The following CEP95 variants were observed in gnomAD, a reference collection of about 807,000 sequenced individuals.
CEP95 encodes the protein centrosomal protein 95.
A neutral mutation model predicts 111.2 loss-of-function variants in CEP95; 98 were observed. That is an observed-to-expected ratio of 0.88 (90% CI 0.75 to 1.04). The LOEUF (loss-of-function observed/expected upper bound fraction) is 1.04, where lower values mean the gene tolerates loss of function less well. Ranked by LOEUF, CEP95 falls within the 50% of genes least tolerant of loss-of-function variation. The pLI is 0.00. For synonymous variants in CEP95, 323 were observed against 327.1 expected (o/e 0.99, Z 0.14); for missense variants, 1,027 against 977.2 (o/e 1.05, Z -0.68).
intron 17 of CEP95, chr17:64,535,296 T>C (rs149800613): frequency 0.013 from 2,096 of 158,188 alleles, 18 homozygotes; most frequent in Non-Finnish European, 0.018. Context: ...TGTCTGTAGC[T>C]CATGAATGCG....
chr17:64,506,997 T>C lies in CEP95; in HGVS notation c.-101T>C, dbSNP rs1042342972. On this transcript the variant is annotated 5_prime_UTR_variant, in exon 1 of 20. Transcript: ENST00000556440. ...GCCTCCTTCCCCGCGCTTTGGTTCG[T>C]GCGTCCGCGCCCCAGTGTCGGGTCT... The C allele has an allele frequency of 1.0e-5, 14 of 1,385,460 alleles. No homozygotes were observed. The highest frequency in any genetic ancestry group is 1.1e-5 in the Non-Finnish European group (11 of 996,542). 85.8% of individuals were successfully genotyped at this position (1,385,460 alleles called of 1,614,324 possible). A position where few individuals can be genotyped will look rare whatever the true frequency, so the allele number is the denominator to read the frequency against.
At position 64,510,188 on chromosome 17, in the gene CEP95, C is replaced by G; in HGVS notation, c.164C>G (p.Pro55Arg). ...CCCCCCCCAGACCTCATAGTTATTCCTAGGAGTCAAGAAGATGATGCACAC... is the reference window on the plus strand; with the variant it reads ...CCCCCCCCAGACCTCATAGTTATTCGTAGGAGTCAAGAAGATGATGCACAC... ...GEKVPDLIVI[P>R]RSQEDDAHNV... Residue 55 changes from proline (P) to arginine (R), a missense_variant, in exon 3 of 20, where the codon CCT becomes CGT. Pro to Arg is a moderately radical substitution (Grantham distance 103). Transcript: ENST00000556440. The G allele has an allele frequency of 1.9e-6, 3 of 1,606,804 alleles. No individual in the cohort carries two copies. The highest frequency in any genetic ancestry group is 1.1e-5 in the South Asian group (1 of 90,040).
At chr17:64,525,684 C>T (rs1555678912) in intron 8 of CEP95, 86 bp from the exon 9 acceptor site, 9 of 817,716 alleles carry the variant, frequency 1.1e-5, no homozygotes. Context: ...AGCTTTGTGC[C>T]ACAGTTCCTC....
chr17:64,534,762 C>T, intron 17 of CEP95, 25 bp downstream of exon 17: 3 of 1,601,510 alleles, frequency 1.9e-6, no homozygotes, highest in Admixed American at 1.7e-5. Context: ...TCTGTCCAGC[C>T]CTGTTAAGAA....
At chr17:64,537,368 A>C in intron 19 of CEP95, 12 of 1,402,926 alleles carry the variant, frequency 8.6e-6, no homozygotes, top group Non-Finnish European at 1.1e-5. Context: ...GTAGAAAACC[A>C]AATGTATTAT....
intron 13 of CEP95, among the ~76,000 whole-genome samples, chr17:64,531,658 C>G (rs1256681359): frequency 2.6e-5 from 4 of 152,096 alleles, no homozygotes; most frequent in Non-Finnish European, 5.9e-5. Context: ...GAAAAAGATT[C>G]AGTGCTTTTT....
chr17:64,534,377 CCTCTGCTGCA>C (rs1968500047), intron 16 of CEP95, 198 bp from the exon 17 acceptor site: 2 of 517,098 alleles, frequency 3.9e-6, no homozygotes, highest in African/African-American at 3.9e-5. Context: ...TCACTGCTGC[CCTCTGCTGCA>C]GTGGGGTGTT....
chr17:64,516,045 A>T (rs532091701), intron 4 of CEP95: 1 of 152,342 alleles, frequency 6.6e-6, no homozygotes, highest in South Asian at 2.1e-4. Context: ...CACACAGCCT[A>T]GCTCAGAGTA....
Position 64,510,408 on chromosome 17 carries a change from G to A in CEP95, c.256+128G>A, listed in dbSNP as rs968326193. ...AGACCAAATTGTAAGATTGAGCTAAGACAATCAACTGATAGAGGTCAGGTC... is the reference window on the plus strand; with the variant it reads ...AGACCAAATTGTAAGATTGAGCTAAAACAATCAACTGATAGAGGTCAGGTC... On this transcript the variant is annotated intron_variant, in intron 3 of 19. Transcript: ENST00000556440. 45 of 641,366 alleles carry A rather than the reference G, an allele frequency of 7.0e-5. No homozygotes were observed. The Middle Eastern group carries it at 9.2e-4, about 13-fold the overall frequency. 39.7% of individuals were successfully genotyped at this position (641,366 alleles called of 1,614,324 possible).
chr17:64,508,033 A>T, intron 1 of CEP95: 1 of 985,364 alleles, frequency 1.0e-6, no homozygotes, highest in Non-Finnish European at 1.2e-6. Context: ...TATAATAAAA[A>T]AGAAAAACTA....
At chr17:64,529,514 T>A (rs1351387510) in intron 12 of CEP95, 87 bp downstream of exon 12, 3 of 1,376,464 alleles carry the variant, frequency 2.2e-6, no homozygotes, top group East Asian at 4.6e-5. Context: ...GCTGTTGATT[T>A]AGGCTTAAAA....
At chr17:64,508,130 C>G in intron 1 of CEP95, 4 of 985,430 alleles carry the variant, frequency 4.1e-6, no homozygotes, top group Non-Finnish European at 4.8e-6. Flanking sequence ...CAGAGAAACC[C>G]TGACTTGCAC....
upstream of CEP95, chr17:64,506,918 C>A: frequency 1.4e-6 from 1 of 725,268 alleles, no homozygotes. Context: ...GGAAGTGCTC[C>A]TCTGATGACC....
At chr17:64,523,122 C>T (rs574361217) in intron 8 of CEP95, among the ~76,000 whole-genome samples, 1 of 152,252 alleles carries the variant, frequency 6.6e-6, no homozygotes, top group South Asian at 2.1e-4. Context: ...TACACCTGCA[C>T]ATTCTTGTTC....
chr17:64,508,145 T>C, intron 1 of CEP95: 1 of 985,450 alleles, frequency 1.0e-6, no homozygotes, highest in East Asian at 1.1e-4. Context: ...TTGCACAAGA[T>C]AATTGGGTAA....
At position 64,534,700 on chromosome 17, in the gene CEP95, G is replaced by T. The variant is rs1354675698; in HGVS notation, c.2033G>T (p.Cys678Phe). Reference sequence around the variant, plus strand: ...TATGATGATTATAGAGTTCAGTTGTGTGCAAAAATGATGAGAATGAGGACC... The same window carrying T: ...TATGATGATTATAGAGTTCAGTTGTTTGCAAAAATGATGAGAATGAGGACC... ...KYYDDYRVQL[C>F]AKMMRMRTRE... The change falls in exon 17 of 20, where the codon TGT (cysteine) becomes TTT (phenylalanine). Residue 678 changes from cysteine (C) to phenylalanine (F), a missense_variant. Coordinates refer to ENST00000556440, the MANE Select transcript of CEP95 (RefSeq NM_138363.3). 3 of 1,612,900 alleles carry T rather than the reference G, an allele frequency of 1.9e-6. No homozygotes were observed. The highest frequency in any genetic ancestry group is 1.1e-5 in the South Asian group (1 of 90,878).
chr17:64,537,017 T>C, intron 18 of CEP95, 24 bp from the exon 19 acceptor site: 2 of 1,579,740 alleles, frequency 1.3e-6, no homozygotes, highest in Non-Finnish European at 1.7e-6. Flanking sequence ...ATATAATATT[T>C]GTTTTTTTTC....
At chr17:64,520,743 G>A (rs1555677491) in intron 6 of CEP95, among the ~76,000 whole-genome samples, 2 of 152,140 alleles carry the variant, frequency 1.3e-5, no homozygotes, top group Non-Finnish European at 2.9e-5. Flanking sequence ...TGGACCATGA[G>A]TCCATGTTTC....
chr17:64,525,732 T>C (rs2144480710), intron 8 of CEP95, 38 bp from the exon 9 acceptor site: 1 of 1,346,736 alleles, frequency 7.4e-7, no homozygotes, highest in East Asian at 2.4e-5. Flanking sequence ...TTCTTATTTG[T>C]AGCTTTTTCA....
Sources: gnomAD v4.1 joint callset for allele counts (sites outside exome capture counted in the v4.1 genomes callset) on GRCh38, gnomAD v4.1.1 for gene constraint, MANE v1.5 for transcripts, NCBI Gene and HGNC (gene_info 2026-07-23, HGNC 2026-07-21) for gene names.